The following CLSTN2 variants were observed in gnomAD, a reference collection of about 807,000 sequenced individuals.
CLSTN2 encodes calsyntenin 2.
In CLSTN2, 48 loss-of-function variants were observed where a neutral mutation model predicts 101.2. That is an observed-to-expected ratio of 0.47 (90% confidence interval 0.38 to 0.60). The LOEUF is 0.60. CLSTN2 is among the 20% of genes least tolerant of loss of function. The pLI is 0.00. For synonymous variants in CLSTN2, 481 were observed against 463.6 expected (o/e 1.04, Z -0.48); for missense variants, 1,160 against 1,238.2 (o/e 0.94, Z 0.95).
chr3:140,023,312 C>T (rs746164102), intron 1 of CLSTN2, among the ~76,000 whole-genome samples: 14 of 152,134 alleles, frequency 9.2e-5, no homozygotes, highest in Non-Finnish European at 1.8e-4. Flanking sequence ...AGCGCGCAAA[C>T]CTCACAAAAA....
intron 2 of CLSTN2, among the ~76,000 whole-genome samples, chr3:140,184,609 G>T (rs1047513987): frequency 2.0e-5 from 3 of 152,122 alleles, no homozygotes; most frequent in Admixed American, 6.6e-5. Flanking sequence ...CTGTCCCACT[G>T]GCTAAAGCAA....
chr3:140,087,409 A>G (rs1030864465), intron 1 of CLSTN2, among the ~76,000 whole-genome samples: 6 of 152,328 alleles, frequency 3.9e-5, no homozygotes, highest in African/African-American at 1.4e-4. Context: ...TCCAAGGTAA[A>G]TTTGTAATAC....
chr3:140,423,588 A>T (rs2088529857), intron 5 of CLSTN2, among the ~76,000 whole-genome samples: 2 of 152,178 alleles, frequency 1.3e-5, no homozygotes, highest in Non-Finnish European at 2.9e-5. Context: ...GCTGTGTGGG[A>T]TATGATGAGG....
intron 1 of CLSTN2, among the ~76,000 whole-genome samples, chr3:140,166,511 G>A (rs2010137113): frequency 6.6e-6 from 1 of 152,210 alleles, no homozygotes; most frequent in Non-Finnish European, 1.5e-5. Flanking sequence ...AGGTCAGAAA[G>A]TAGCCAGAAA....
chr3:140,457,755 A>G (rs1283065971), intron 6 of CLSTN2, among the ~76,000 whole-genome samples: 3 of 152,212 alleles, frequency 2.0e-5, no homozygotes, highest in Non-Finnish European at 4.4e-5. Context: ...AGTGGCAATT[A>G]TAAATATTAA....
chr3:140,409,744 T>C (rs112175440), intron 4 of CLSTN2, among the ~76,000 whole-genome samples: 14 of 152,230 alleles, frequency 9.2e-5, no homozygotes, highest in African/African-American at 3.4e-4. Context: ...GAATTTGAAC[T>C]AAATTGTTCT....
chr3:140,553,265 A>C (rs1935739707), intron 10 of CLSTN2, among the ~76,000 whole-genome samples: 1 of 152,240 alleles, frequency 6.6e-6, no homozygotes. Context: ...GCATAATTAC[A>C]ATAGTAAGAA....
In CLSTN2 at chr3:140,275,088, G is replaced by T. The variant is rs72990173; in HGVS notation, c.232+99015G>T. Among the ~76,000 whole-genome samples, 764 of 152,260 alleles carry T rather than the reference G, an allele frequency of 5.0e-3. 9 individuals carry two copies. Among genetic ancestry groups the T allele is most frequent in the African/African-American group, 0.018 (730 of 41,558 alleles). ...CCTTAACCAATGACTGTCCAGTGAA[G>T]AAGCATGGAAATCCAGTTTCCTAGC... On this transcript the variant is annotated intron_variant, in intron 2 of 16. Coordinates refer to ENST00000458420, the MANE Select transcript of CLSTN2 (RefSeq NM_022131.3).
chr3:139,959,461 T>C (rs1935465996), intron 1 of CLSTN2, among the ~76,000 whole-genome samples: 1 of 152,192 alleles, frequency 6.6e-6, no homozygotes, highest in Non-Finnish European at 1.5e-5. Context: ...TGTTTCTCTT[T>C]TCCACATCCA....
At chr3:140,082,324 G>C (rs915658611) in intron 1 of CLSTN2, among the ~76,000 whole-genome samples, 1 of 152,150 alleles carries the variant, frequency 6.6e-6, no homozygotes, top group Non-Finnish European at 1.5e-5. Flanking sequence ...CGTCTGGAGG[G>C]CTGGCAGGGG....
intron 1 of CLSTN2, among the ~76,000 whole-genome samples, chr3:140,082,586 C>T (rs187776132): frequency 6.6e-6 from 1 of 152,150 alleles, no homozygotes; most frequent in African/African-American, 2.4e-5. Context: ...TCTAATGCTC[C>T]CCCATACACC....
chr3:140,533,710 CAAAAAA>C (rs71627883), intron 9 of CLSTN2, among the ~76,000 whole-genome samples: 1 of 58,872 alleles, frequency 1.7e-5, no homozygotes, highest in African/African-American at 5.9e-5. Context: ...GACTCCATCT[CAAAAAA>C]AAAAAAAAAA....
chr3:140,248,079 G>T (rs2086531619), intron 2 of CLSTN2, among the ~76,000 whole-genome samples: 1 of 152,178 alleles, frequency 6.6e-6, no homozygotes, highest in African/African-American at 2.4e-5. Flanking sequence ...GCATCCAAGG[G>T]CAGGAATTAA....
chr3:140,137,482 A>G (rs2009632320), intron 1 of CLSTN2, among the ~76,000 whole-genome samples: 1 of 151,972 alleles, frequency 6.6e-6, no homozygotes, highest in South Asian at 2.1e-4. Context: ...CTTATTTCCC[A>G]CTAGATTAGC....
chr3:140,283,319 ATCTT>A (rs2086865862), intron 2 of CLSTN2, among the ~76,000 whole-genome samples: 1 of 152,120 alleles, frequency 6.6e-6, no homozygotes. Context: ...ATATACCTTC[ATCTT>A]TCTGAGGGCC....
intron 5 of CLSTN2, among the ~76,000 whole-genome samples, chr3:140,446,006 C>T (rs1933068501): frequency 8.5e-6 from 1 of 117,028 alleles, no homozygotes; most frequent in Non-Finnish European, 1.6e-5. Flanking sequence ...GAGGAGGTGG[C>T]AAGAGGGATA....
chr3:140,415,585 G>T (rs147445667), intron 4 of CLSTN2, among the ~76,000 whole-genome samples: 7 of 150,374 alleles, frequency 4.7e-5, no homozygotes, highest in African/African-American at 1.7e-4. Flanking sequence ...AATGGTCGAC[G>T]TGCATACAAA....
At chr3:140,028,761 A>G (rs1289709533) in intron 1 of CLSTN2, among the ~76,000 whole-genome samples, 2 of 152,198 alleles carry the variant, frequency 1.3e-5, no homozygotes, top group African/African-American at 4.8e-5. Context: ...CCCTTAATAC[A>G]GAGCAGACAA....
At chr3:140,098,283 C>T (rs2008905431) in intron 1 of CLSTN2, among the ~76,000 whole-genome samples, 1 of 152,166 alleles carries the variant, frequency 6.6e-6, no homozygotes, top group East Asian at 1.9e-4. Flanking sequence ...CTACACCAGG[C>T]CTTCCACAAT....
Sources: gnomAD v4.1 joint callset for allele counts (sites outside exome capture counted in the v4.1 genomes callset) on GRCh38, gnomAD v4.1.1 for gene constraint, MANE v1.5 for transcripts, NCBI Gene and HGNC (gene_info 2026-07-23, HGNC 2026-07-21) for gene names.